Variants in LRRC4C observed in about 807,000 individuals in gnomAD.
The protein encoded by LRRC4C is leucine rich repeat containing 4C.
In LRRC4C, 5 loss-of-function variants were observed where a neutral mutation model predicts 33.6. The ratio of observed to expected loss-of-function variants is 0.15; its 90% confidence interval spans 0.08 to 0.31. The LOEUF is 0.31. LRRC4C is among the 10% of genes least tolerant of loss of function. The probability of loss-of-function intolerance (pLI) is 1.00; values close to 1 mark genes in which losing one functional copy is unlikely to be tolerated. For missense variants in LRRC4C, 560 were observed against 796.7 expected (o/e 0.70, Z 3.58); for synonymous variants, 329 against 302.0 (o/e 1.09, Z -0.93).
At chr11:40,670,953 T>C (rs370697500) in intron 2 of LRRC4C, among the ~76,000 whole-genome samples, 30 of 152,204 alleles carry the variant, frequency 2.0e-4, no homozygotes, top group South Asian at 4.1e-4. Flanking sequence ...TTAGTAGAGA[T>C]GGGGTTTCAC....
chr11:41,428,218 T>C (rs1955111367), intron 1 of LRRC4C, among the ~76,000 whole-genome samples: 1 of 152,106 alleles, frequency 6.6e-6, no homozygotes. Flanking sequence ...TTGGTTTCTA[T>C]TCCCAGTCTC....
chr11:40,289,176 T>C (rs967454991), intron 4 of LRRC4C, among the ~76,000 whole-genome samples: 7 of 152,184 alleles, frequency 4.6e-5, no homozygotes, highest in African/African-American at 1.7e-4. Context: ...CTATTTTACA[T>C]GTATTGGTGC....
chr11:41,187,314 T>G (rs2136190796), intron 1 of LRRC4C, among the ~76,000 whole-genome samples: 1 of 152,318 alleles, frequency 6.6e-6, no homozygotes, highest in South Asian at 2.1e-4. Flanking sequence ...CACAAGTGTC[T>G]GGACGTTGAG....
chr11:40,256,830 A>G (rs7937554), intron 4 of LRRC4C, among the ~76,000 whole-genome samples: 119,819 of 152,054 alleles, frequency 0.79, 50,356 homozygotes, highest in East Asian at 0.96. Flanking sequence ...ACTCTGGCAG[A>G]AGGCAGAAAT....
intron 5 of LRRC4C, among the ~76,000 whole-genome samples, chr11:40,179,269 G>T (rs1173896764): frequency 2.0e-5 from 3 of 151,884 alleles, no homozygotes; most frequent in Admixed American, 6.6e-5. Flanking sequence ...TTCTCAAATT[G>T]CTGGGATTAT....
chr11:40,627,591 T>C (rs1001887717), intron 3 of LRRC4C, among the ~76,000 whole-genome samples: 2 of 152,196 alleles, frequency 1.3e-5, no homozygotes, highest in African/African-American at 4.8e-5. Context: ...GTAGCTGCAC[T>C]TTGATACTAA....
chr11:40,750,504 G>A (rs1213598244), intron 2 of LRRC4C, among the ~76,000 whole-genome samples: 1 of 151,964 alleles, frequency 6.6e-6, no homozygotes, highest in African/African-American at 2.4e-5. Flanking sequence ...GTCCTTTGTA[G>A]GGACATGGAT....
intron 1 of LRRC4C, among the ~76,000 whole-genome samples, chr11:41,301,261 T>C (rs1053754667): frequency 2.0e-5 from 3 of 152,200 alleles, no homozygotes; most frequent in African/African-American, 7.2e-5. Flanking sequence ...TGGAATTACG[T>C]CATTTACTTT....
chr11:41,060,536 G>A (rs1431051550), intron 1 of LRRC4C, among the ~76,000 whole-genome samples: 1 of 152,070 alleles, frequency 6.6e-6, no homozygotes, highest in Non-Finnish European at 1.5e-5. Flanking sequence ...GTACGCATAT[G>A]GAGAGAAAAT....
chr11:41,030,020 A>G (rs1856616193), intron 1 of LRRC4C, among the ~76,000 whole-genome samples: 1 of 151,862 alleles, frequency 6.6e-6, no homozygotes, highest in Non-Finnish European at 1.5e-5. Flanking sequence ...TGCAGGGTGA[A>G]CAAACTTCAA....
intron 2 of LRRC4C, among the ~76,000 whole-genome samples, chr11:40,712,566 T>A (rs1433685429): frequency 6.6e-6 from 1 of 152,124 alleles, no homozygotes; most frequent in Admixed American, 6.5e-5. Flanking sequence ...AGACAATATT[T>A]ACAAGAATGC....
At chr11:41,411,797 C>A (rs548923872) in intron 1 of LRRC4C, among the ~76,000 whole-genome samples, 3 of 152,088 alleles carry the variant, frequency 2.0e-5, no homozygotes, top group Non-Finnish European at 4.4e-5. Flanking sequence ...CAAAGAGATG[C>A]GTGTTAGGTA....
At chr11:40,637,333 G>T (rs888685940) in intron 3 of LRRC4C, among the ~76,000 whole-genome samples, 2 of 152,140 alleles carry the variant, frequency 1.3e-5, no homozygotes, top group Admixed American at 1.3e-4. Context: ...CTAAATTTCA[G>T]TCTGGACACG....
rs558844787 is a variant in LRRC4C at position 40,916,909 on chromosome 11, T to C, written c.-407+16726A>G. On this transcript the variant is annotated intron_variant, in intron 2 of 6. Transcript: ENST00000528697. ...TCAATGTTACATGAATTTATGCAAT[T>C]GCAATAGACAAAATGCAGTTAAGAT... Among the ~76,000 whole-genome samples the C allele has an allele frequency of 7.2e-5, 11 of 152,164 alleles. No homozygotes were observed. The South Asian group carries it at 8.3e-4, about 11-fold the overall frequency.
chr11:41,241,597 G>T (rs551074206), intron 1 of LRRC4C, among the ~76,000 whole-genome samples: 1 of 152,210 alleles, frequency 6.6e-6, no homozygotes, highest in Non-Finnish European at 1.5e-5. Context: ...GAATATCTCT[G>T]GGTAGCTCTG....
At chr11:41,159,276 G>A (rs952859257) in intron 1 of LRRC4C, among the ~76,000 whole-genome samples, 1 of 149,828 alleles carries the variant, frequency 6.7e-6, no homozygotes, top group African/African-American at 2.5e-5. Flanking sequence ...GGGCAACAGA[G>A]AAAGACCCTG....
chr11:40,346,981 T>C (rs1042433155), intron 3 of LRRC4C, among the ~76,000 whole-genome samples: 18 of 152,190 alleles, frequency 1.2e-4, no homozygotes, highest in African/African-American at 3.9e-4. Flanking sequence ...TAAATGAGTA[T>C]TGACTTCAAC....
intron 1 of LRRC4C, among the ~76,000 whole-genome samples, chr11:41,106,028 C>A (rs1306637032): frequency 6.6e-6 from 1 of 151,906 alleles, no homozygotes; most frequent in African/African-American, 2.4e-5. Context: ...TTGATCCATT[C>A]AATCAAAAAA....
chr11:41,233,189 T>C (rs2136478036), intron 1 of LRRC4C, among the ~76,000 whole-genome samples: 1 of 152,152 alleles, frequency 6.6e-6, no homozygotes, highest in East Asian at 1.9e-4. Context: ...GGAAAGATAA[T>C]TCATGTGTGC....
Sources: gnomAD v4.1 joint callset for allele counts (sites outside exome capture counted in the v4.1 genomes callset) on GRCh38, gnomAD v4.1.1 for gene constraint, MANE v1.5 for transcripts, NCBI Gene and HGNC (gene_info 2026-07-23, HGNC 2026-07-21) for gene names.